Variants in LMAN1 observed in about 807,000 individuals in gnomAD.
LMAN1 encodes the protein lectin, mannose binding 1.
In LMAN1, 32 loss-of-function variants were observed where a neutral mutation model predicts 67.8. That is an observed-to-expected ratio of 0.47 (90% CI 0.36 to 0.63). The LOEUF (loss-of-function observed/expected upper bound fraction) is 0.63. Ranked by LOEUF, LMAN1 falls within the 30% of genes least tolerant of loss-of-function variation. The pLI, the probability that LMAN1 is intolerant of heterozygous loss-of-function variation, is 0.00. For synonymous variants in LMAN1, 235 were observed against 219.3 expected, an observed-to-expected ratio of 1.07 and a Z score of -0.63; for missense variants, 632 against 628.2, an observed-to-expected ratio of 1.01 and a Z score of -0.06.
intron 10 of LMAN1, among the ~76,000 whole-genome samples, chr18:59,336,187 G>C (rs923832108): frequency 1.3e-5 from 2 of 152,194 alleles, no homozygotes; most frequent in African/African-American, 4.8e-5. Context: ...AAGAGGCCTA[G>C]AGGTAACGGC....
Position 59,331,658 on chromosome 18 carries a change from C to T in LMAN1, c.1375-119G>A, listed in dbSNP as rs368325328. 7.8e-6 allele frequency: 9 copies of T among 1,153,032 alleles called. No homozygotes were observed. The African/African-American group carries it at 9.3e-5, about 12-fold the overall frequency. 71.4% of individuals were successfully genotyped at this position (1,153,032 alleles called of 1,614,324 possible). A position where few individuals can be genotyped will look rare whatever the true frequency, so the allele number is the denominator to read the frequency against. ...AAACAAGTATTTTCATTTTTTCATCCCCCAGAAAACCTTCTATCCCCTTAA... is the reference window on the plus strand; with the variant it reads ...AAACAAGTATTTTCATTTTTTCATCTCCCAGAAAACCTTCTATCCCCTTAA... On this transcript the variant is annotated intron_variant, in intron 11 of 12. Coordinates refer to ENST00000251047, the MANE Select transcript of LMAN1 (RefSeq NM_005570.4).
intron 5 of LMAN1, among the ~76,000 whole-genome samples, chr18:59,350,730 C>T (rs1483255891): frequency 6.6e-6 from 1 of 152,044 alleles, no homozygotes; most frequent in Non-Finnish European, 1.5e-5. Flanking sequence ...CTCCTGACCT[C>T]GTGATCCGCC....
In LMAN1 at chr18:59,349,903, A is replaced by T. The variant is rs1319307022; in HGVS notation, c.640-667T>A. Among the ~76,000 whole-genome samples the T allele has an allele frequency of 3.3e-5, 5 of 152,260 alleles. No individual in the cohort carries two copies. In the East Asian group the frequency reaches 9.6e-4, roughly 29 times the overall value. ...GCTTTTCTCATTATCCCAGTCAAGC[A>T]GTGGTTCAGCCTCTTCAATACATTT... is the stretch of plus-strand genomic sequence containing the variant. On this transcript the variant is annotated intron_variant, in intron 5 of 12. Coordinates refer to ENST00000251047, the MANE Select transcript of LMAN1 (RefSeq NM_005570.4).
chr18:59,354,220 C>T (rs1453631221), intron 4 of LMAN1, among the ~76,000 whole-genome samples: 1 of 152,032 alleles, frequency 6.6e-6, no homozygotes, highest in East Asian at 1.9e-4. Context: ...GATAAAAATG[C>T]ATGATTAGTG....
intron 8 of LMAN1, among the ~76,000 whole-genome samples, chr18:59,342,173 G>T (rs1367589095): frequency 6.6e-6 from 1 of 151,722 alleles, no homozygotes; most frequent in Non-Finnish European, 1.5e-5. Flanking sequence ...TAGCAAGACT[G>T]AATCAGTAGT....
intron 5 of LMAN1, among the ~76,000 whole-genome samples, chr18:59,350,700 T>C (rs1908525102): frequency 6.6e-6 from 1 of 152,152 alleles, no homozygotes; most frequent in Non-Finnish European, 1.5e-5. Flanking sequence ...TTTCACCGTG[T>C]GAGCCAGGAT....
At chr18:59,338,122 T>C (rs1164151822) in intron 10 of LMAN1, among the ~76,000 whole-genome samples, 1 of 152,222 alleles carries the variant, frequency 6.6e-6, no homozygotes, top group Non-Finnish European at 1.5e-5. Flanking sequence ...GTCACACATA[T>C]TACGTTCAAA....
At position 59,333,159 on chromosome 18, in the gene LMAN1, A is replaced by C. The variant is rs1055375044; in HGVS notation, c.1306T>G (p.Phe436Val). The C allele has an allele frequency of 1.9e-6, 3 of 1,613,500 alleles. No homozygotes were observed. The highest frequency in any genetic ancestry group is 2.5e-6 in the Non-Finnish European group (3 of 1,179,616). ...AGGVYETTQH[F>V]IDIKEHLHIV... ...TGCAGGTGCTCTTTGATGTCAATGA[A>C]GTGCTGTGTTGTCTCATAGACGCCT... is the stretch of plus-strand genomic sequence containing the variant. Residue 436 changes from phenylalanine to valine, a missense_variant, in exon 11 of 13, where the codon TTC (phenylalanine) becomes GTC (valine). By Grantham distance (50) the Phe-to-Val change is conservative (BLOSUM62 -1). Coordinates refer to ENST00000251047, the MANE Select transcript of LMAN1 (RefSeq NM_005570.4).
intron 10 of LMAN1, among the ~76,000 whole-genome samples, chr18:59,334,362 A>G (rs1050448373): frequency 6.6e-6 from 1 of 152,218 alleles, no homozygotes; most frequent in Non-Finnish European, 1.5e-5. Flanking sequence ...GAAGAATGAA[A>G]TATCTGCCCT....
rs1251953847 is a variant in LMAN1 at position 59,347,564 on chromosome 18, A to G, written c.771T>C (p.His257=). Residue 257 remains histidine, a synonymous_variant, in exon 7 of 13, where the codon CAT becomes CAC. Coordinates refer to ENST00000251047, the MANE Select transcript of LMAN1 (RefSeq NM_005570.4). ...SAATGGLADD[H]DVLSFLTFQL... ...GGAAAGTCAGAAAAGAAAGGACATC[A>G]TGGTCATCTACAAATTAAAAAAAAA... The G allele has an allele frequency of 1.2e-6, 2 of 1,603,738 alleles. No homozygotes were observed. The highest frequency in any genetic ancestry group is 1.1e-5 in the South Asian group (1 of 89,920).
rs764930025 is a variant in LMAN1, at chr18:59,338,945, T to G, written c.964A>C (p.Ile322Leu). Residue 322 changes from isoleucine to leucine, a missense_variant, in exon 9 of 13, where the codon ATA becomes CTA. Physicochemically the swap from Ile to Leu is conservative, Grantham distance 5. Coordinates refer to ENST00000251047, the MANE Select transcript of LMAN1 (RefSeq NM_005570.4). ...TCTCGATCTCCTACACTCTCAAATATTTCCTCCGCTGAAAAGGAAATAAAT... is the reference window on the plus strand; with the variant it reads ...TCTCGATCTCCTACACTCTCAAATAGTTCCTCCGCTGAAAAGGAAATAAAT... Reference protein sequence around the residue: ...PDLQGQPAEEIFESVGDRELR... With the variant: ...PDLQGQPAEELFESVGDRELR... 33 of 1,611,742 alleles carry G rather than the reference T, an allele frequency of 2.0e-5. No individual in the cohort carries two copies. Among genetic ancestry groups the G allele is most frequent in the Non-Finnish European group, 2.7e-5 (32 of 1,179,380 alleles).
At position 59,355,617 on chromosome 18, in the gene LMAN1, A is replaced by G; in HGVS notation, c.256T>C (p.Leu86=). 1 of 1,614,084 alleles carries G rather than the reference A, an allele frequency of 6.2e-7. No homozygotes were observed. The highest frequency in any genetic ancestry group is 8.5e-7 in the Non-Finnish European group (1 of 1,179,962). The change falls in exon 2 of 13, where the codon TTA becomes CTA. Residue 86 remains leucine (L), a synonymous_variant. Transcript: ENST00000251047. ...CACACTGAGCCTCTTTGGCTTTTTA[A>G]AGATGGTGCTACTCGAATTTGATCT... ...SSDQIRVAPS[L]KSQRGSVWTK...
intron 5 of LMAN1, among the ~76,000 whole-genome samples, chr18:59,350,084 G>A (rs764594349): frequency 3.3e-5 from 5 of 152,122 alleles, no homozygotes; most frequent in African/African-American, 4.8e-5. Context: ...CAGTCACACA[G>A]GCAAAATGTT....
At chr18:59,355,788 T>G in intron 1 of LMAN1, 130 bp from the exon 2 acceptor site, 3 of 1,033,988 alleles carry the variant, frequency 2.9e-6, no homozygotes, top group East Asian at 2.6e-5. Context: ...AAAAATTTCA[T>G]GTTGACAGTT....
At chr18:59,338,460 T>C in intron 10 of LMAN1, 97 bp downstream of exon 10, 3 of 894,140 alleles carry the variant, frequency 3.4e-6, no homozygotes, top group East Asian at 5.1e-5. Flanking sequence ...CTTACCCTCA[T>C]GCAGAAATCT....
chr18:59,346,182 TCTTTA>T, intron 7 of LMAN1, 131 bp from the exon 8 acceptor site: 1 of 698,888 alleles, frequency 1.4e-6, no homozygotes, highest in Non-Finnish European at 2.4e-6. Flanking sequence ...ATGTATTCCT[TCTTTA>T]CTTAAACGAT....
rs550158654 is a variant in LMAN1, at chr18:59,350,576, ACT to A, written c.640-1342_640-1341del. Among the ~76,000 whole-genome samples, 233 of 150,412 alleles carry A rather than the reference ACT, an allele frequency of 1.5e-3. 1 individual carries two copies. Among genetic ancestry groups the A allele is most frequent in the African/African-American group, 5.2e-3 (214 of 40,894 alleles). On this transcript the variant is annotated intron_variant, in intron 5 of 12. Coordinates refer to ENST00000251047, the MANE Select transcript of LMAN1 (RefSeq NM_005570.4). The stretch of plus-strand genomic sequence containing the variant: ...GTGGTGTGATCTCGGCTCACTGCAA[ACT>A]CTGCCTCCAGGGTTCACGCCATTCT...
chr18:59,329,161 G>A lies in LMAN1; in HGVS notation c.*1932C>T, dbSNP rs555414653. 3 of 152,170 alleles carry A rather than the reference G, an allele frequency of 2.0e-5. No homozygotes were observed. Among genetic ancestry groups the A allele is most frequent in the East Asian group, 1.9e-4 (1 of 5,200 alleles). The allele number at this position is 152,170 out of a possible 1,614,324, so 9.4% of individuals were successfully genotyped here. A position where few individuals can be genotyped will look rare whatever the true frequency, so the allele number is the denominator to read the frequency against. On this transcript the variant is annotated 3_prime_UTR_variant, in exon 13 of 13. Transcript: ENST00000251047. Reference sequence around the variant, plus strand: ...TACACATCATGTGAACTACTTTGCTGAGTGATTTTCAAGCAAAGTATATCA... The same window carrying A: ...TACACATCATGTGAACTACTTTGCTAAGTGATTTTCAAGCAAAGTATATCA...
chr18:59,358,540 A>C (rs990841274), intron 1 of LMAN1, among the ~76,000 whole-genome samples: 1 of 151,806 alleles, frequency 6.6e-6, no homozygotes, highest in Non-Finnish European at 1.5e-5. Flanking sequence ...CAAGCGAAGC[A>C]TTAACCATTG....
Sources: allele counts gnomAD v4.1 joint callset (sites outside exome capture counted in the v4.1 genomes callset), GRCh38; gene constraint gnomAD v4.1.1; transcripts MANE v1.5; gene names NCBI Gene and HGNC (gene_info 2026-07-23, HGNC 2026-07-21).